DPYD: variants seen among roughly 807,000 people sequenced by gnomAD.
The protein encoded by DPYD is dihydropyrimidine dehydrogenase.
A neutral mutation model predicts 116.2 loss-of-function variants in DPYD; 109 were observed. The ratio of observed to expected loss-of-function variants is 0.94; its 90% CI spans 0.80 to 1.10. DPYD has a LOEUF of 1.10. Ranked by LOEUF, DPYD falls within the 50% of genes least tolerant of loss-of-function variation. The pLI is 0.00. For synonymous variants in DPYD, 440 were observed against 432.0 expected (o/e 1.02, Z -0.23); for missense variants, 1,302 against 1,254.5 (o/e 1.04, Z -0.57).
At chr1:97,377,614 A>G (rs1671706994) in intron 15 of DPYD, among the ~76,000 whole-genome samples, 1 of 152,236 alleles carries the variant, frequency 6.6e-6, no homozygotes, top group Non-Finnish European at 1.5e-5. Context: ...CACCCAGAGA[A>G]ACTAAGGTGG....
At chr1:97,720,578 G>A in intron 5 of DPYD, 2 of 1,078,922 alleles carry the variant, frequency 1.9e-6, no homozygotes, top group Non-Finnish European at 2.2e-6. Flanking sequence ...AAGCAGGAAG[G>A]GAATAACCCT....
At chr1:97,295,809 C>G in intron 18 of DPYD, 8 of 960,776 alleles carry the variant, frequency 8.3e-6, no homozygotes, top group Non-Finnish European at 9.9e-6. Flanking sequence ...CAAGGTATTG[C>G]TTAGTTGTCA....
At chr1:97,491,947 T>C (rs956946489) in intron 13 of DPYD, among the ~76,000 whole-genome samples, 3 of 152,154 alleles carry the variant, frequency 2.0e-5, no homozygotes, top group African/African-American at 7.2e-5. Flanking sequence ...ACAGGGCTTA[T>C]TATGGATACA....
At chr1:97,191,804 A>T (rs1658392024) in intron 20 of DPYD, among the ~76,000 whole-genome samples, 1 of 152,032 alleles carries the variant, frequency 6.6e-6, no homozygotes. Context: ...TCATTTGTGA[A>T]TTTTTTTTAG....
At chr1:97,456,380 T>C (rs1676686870) in intron 13 of DPYD, among the ~76,000 whole-genome samples, 1 of 152,076 alleles carries the variant, frequency 6.6e-6, no homozygotes, top group African/African-American at 2.4e-5. Flanking sequence ...AATCATTCTG[T>C]GTCTCCTCTC....
intron 12 of DPYD, among the ~76,000 whole-genome samples, chr1:97,548,185 G>C (rs917863991): frequency 6.6e-6 from 1 of 152,112 alleles, no homozygotes; most frequent in Non-Finnish European, 1.5e-5. Context: ...GAATAGGAAA[G>C]AAAGAATAAA....
At chr1:97,513,470 G>A (rs1377315311) in intron 13 of DPYD, among the ~76,000 whole-genome samples, 2 of 151,532 alleles carry the variant, frequency 1.3e-5, no homozygotes, top group African/African-American at 4.8e-5. Flanking sequence ...ATTGTATTGT[G>A]AAATATTAAT....
intron 16 of DPYD, among the ~76,000 whole-genome samples, chr1:97,324,017 T>G (rs1032451308): frequency 1.3e-5 from 2 of 152,000 alleles, no homozygotes; most frequent in Non-Finnish European, 2.9e-5. Context: ...AGAAAAGTGG[T>G]TAAATTGTAT....
intron 8 of DPYD, among the ~76,000 whole-genome samples, chr1:97,615,924 G>A (rs1291630656): frequency 2.0e-5 from 3 of 151,916 alleles, no homozygotes; most frequent in Non-Finnish European, 4.4e-5. Flanking sequence ...CCCTCTGACT[G>A]GCATGCCCTT....
chr1:97,243,854 T>C (rs753362907), intron 18 of DPYD, among the ~76,000 whole-genome samples: 5 of 151,912 alleles, frequency 3.3e-5, no homozygotes, highest in Non-Finnish European at 7.4e-5. Flanking sequence ...CTTCCTTTGG[T>C]CTAAAAGTAT....
intron 20 of DPYD, among the ~76,000 whole-genome samples, chr1:97,127,356 TG>T (rs759579600): frequency 1.4e-4 from 22 of 152,110 alleles, no homozygotes; most frequent in Non-Finnish European, 2.8e-4. Flanking sequence ...GGGAGGGTCT[TG>T]GAAGTTACAT....
At chr1:97,346,389 A>C (rs531646038) in intron 16 of DPYD, among the ~76,000 whole-genome samples, 1 of 151,794 alleles carries the variant, frequency 6.6e-6, no homozygotes, top group Non-Finnish European at 1.5e-5. Flanking sequence ...TCTGAATTTG[A>C]AGAAATGCAT....
At chr1:97,726,400 C>T (rs906447760) in intron 4 of DPYD, among the ~76,000 whole-genome samples, 2 of 151,564 alleles carry the variant, frequency 1.3e-5, no homozygotes, top group Non-Finnish European at 3.0e-5. Context: ...ATTACTAACT[C>T]AGAATTAATC....
intron 16 of DPYD, among the ~76,000 whole-genome samples, chr1:97,353,600 A>G (rs939469706): frequency 2.6e-5 from 4 of 151,598 alleles, no homozygotes; most frequent in Admixed American, 2.0e-4. Context: ...TGGACAATTA[A>G]CATTAATAAC....
chr1:97,747,964 T>C (rs930687857), intron 3 of DPYD, among the ~76,000 whole-genome samples: 2 of 152,186 alleles, frequency 1.3e-5, no homozygotes, highest in Non-Finnish European at 2.9e-5. Context: ...CTTTAGTAAC[T>C]TAACAGGTAT....
intron 20 of DPYD, among the ~76,000 whole-genome samples, chr1:97,103,285 T>C (rs1445745500): frequency 6.6e-6 from 1 of 152,174 alleles, no homozygotes; most frequent in Non-Finnish European, 1.5e-5. Flanking sequence ...CTGATTTTTA[T>C]TTCAAAATCA....
intron 13 of DPYD, among the ~76,000 whole-genome samples, chr1:97,497,261 C>A (rs929459316): frequency 6.6e-6 from 1 of 151,818 alleles, no homozygotes; most frequent in African/African-American, 2.4e-5. Flanking sequence ...TTATTCATTT[C>A]TTTGAACTAT....
At chr1:97,602,231 A>G (rs1391146034) in intron 8 of DPYD, among the ~76,000 whole-genome samples, 1 of 152,030 alleles carries the variant, frequency 6.6e-6, no homozygotes, top group African/African-American at 2.4e-5. Context: ...AGCACTAGAA[A>G]AGAGAATAAA....
chr1:97,611,615 C>A (rs944906976), intron 8 of DPYD, among the ~76,000 whole-genome samples: 23 of 152,066 alleles, frequency 1.5e-4, no homozygotes, highest in Non-Finnish European at 2.4e-4. Context: ...AATTCCACAT[C>A]ATCACAGCAG....
Sources: allele counts gnomAD v4.1 joint callset (sites outside exome capture counted in the v4.1 genomes callset), GRCh38; gene constraint gnomAD v4.1.1; transcripts MANE v1.5; gene names NCBI Gene and HGNC (gene_info 2026-07-23, HGNC 2026-07-21).